Variants in MRPS28 observed in about 807,000 individuals in gnomAD.
MRPS28 encodes mitochondrial ribosomal protein S28.
In MRPS28, 7 loss-of-function variants were observed where a neutral mutation model predicts 10.8. The observed-to-expected ratio is 0.65, with a 90% CI of 0.37 to 1.22. The LOEUF is 1.22. Among genes scored for constraint, MRPS28 ranks in the 50% most tolerant of loss-of-function variants. The probability of loss-of-function intolerance (pLI) is 0.02; values close to 1 mark genes in which losing one functional copy is unlikely to be tolerated. For synonymous variants in MRPS28, 121 were observed against 93.3 expected (o/e 1.30, Z -1.71); for missense variants, 265 against 232.9 (o/e 1.14, Z -0.90).
intron 2 of MRPS28, among the ~76,000 whole-genome samples, chr8:79,982,780 G>A (rs1258421323): frequency 6.6e-6 from 1 of 152,208 alleles, no homozygotes; most frequent in Non-Finnish European, 1.5e-5. Flanking sequence ...ACTGGGTGGA[G>A]CCCAACACAG....
chr8:79,937,670 TG>T (rs535169766), intron 2 of MRPS28, among the ~76,000 whole-genome samples: 66 of 152,350 alleles, frequency 4.3e-4, no homozygotes, highest in African/African-American at 1.5e-3. Context: ...TCAAAGACAA[TG>T]CAGACGTTCT....
At chr8:79,983,899 A>G (rs924992761) in intron 2 of MRPS28, among the ~76,000 whole-genome samples, 3 of 152,210 alleles carry the variant, frequency 2.0e-5, no homozygotes, top group African/African-American at 7.2e-5. Context: ...GCAGGCCAAC[A>G]TTCAGATTCA....
At chr8:79,956,602 T>C (rs949853555) in intron 2 of MRPS28, 7 of 152,098 alleles carry the variant, frequency 4.6e-5, no homozygotes, top group African/African-American at 1.4e-4. Context: ...CAGGACCCAA[T>C]GGTTATTTTT....
chr8:79,973,036 A>T (rs993864947), intron 2 of MRPS28, among the ~76,000 whole-genome samples: 2 of 152,246 alleles, frequency 1.3e-5, no homozygotes, highest in African/African-American at 4.8e-5. Context: ...TAGGTATTCA[A>T]CAGGGCAAAG....
At chr8:79,978,405 C>T (rs939327951) in intron 2 of MRPS28, among the ~76,000 whole-genome samples, 2 of 151,862 alleles carry the variant, frequency 1.3e-5, no homozygotes, top group African/African-American at 4.8e-5. Flanking sequence ...AGAATCTGTC[C>T]GAAGTGACAG....
intron 2 of MRPS28, among the ~76,000 whole-genome samples, chr8:79,982,997 C>T (rs1354263366): frequency 7.9e-6 from 1 of 126,652 alleles, no homozygotes; most frequent in Admixed American, 7.9e-5. Flanking sequence ...CCCCGACCCC[C>T]GAGCAGCCTA....
intron 1 of MRPS28, among the ~76,000 whole-genome samples, chr8:80,010,482 A>C (rs1457540138): frequency 6.6e-6 from 1 of 152,208 alleles, no homozygotes; most frequent in Non-Finnish European, 1.5e-5. Context: ...GGGCTTGATA[A>C]TCAGGATATG....
intron 2 of MRPS28, among the ~76,000 whole-genome samples, chr8:79,998,223 AGAT>A (rs960119871): frequency 1.3e-5 from 2 of 152,206 alleles, no homozygotes; most frequent in African/African-American, 4.8e-5. Flanking sequence ...CAAAAGAAAA[AGAT>A]GATGTCAATT....
At chr8:79,947,306 T>C (rs1318392495) in intron 2 of MRPS28, among the ~76,000 whole-genome samples, 2 of 152,240 alleles carry the variant, frequency 1.3e-5, no homozygotes, top group East Asian at 1.9e-4. Context: ...TCTTTCCATA[T>C]GCCAATACCA....
intron 2 of MRPS28, among the ~76,000 whole-genome samples, chr8:79,965,476 T>C (rs1368454354): frequency 1.3e-5 from 2 of 152,086 alleles, no homozygotes; most frequent in Non-Finnish European, 2.9e-5. Flanking sequence ...TCAACCCATA[T>C]ATCCACAGTA....
At chr8:79,924,839 T>G (rs1400638087) in intron 2 of MRPS28, among the ~76,000 whole-genome samples, 2 of 152,320 alleles carry the variant, frequency 1.3e-5, no homozygotes, top group East Asian at 3.8e-4. Flanking sequence ...ATCTGTAAGA[T>G]GCCTATAAAG....
At chr8:79,944,685 TTTC>T (rs754360272) in intron 2 of MRPS28, among the ~76,000 whole-genome samples, 18 of 98,722 alleles carry the variant, frequency 1.8e-4, no homozygotes, top group Non-Finnish European at 3.3e-4. Flanking sequence ...AGCCATAATT[TTTC>T]TTTTTCTTTT....
chr8:79,984,101 GA>G (rs1808070880), intron 2 of MRPS28, among the ~76,000 whole-genome samples: 1 of 152,108 alleles, frequency 6.6e-6, no homozygotes, highest in Non-Finnish European at 1.5e-5. Flanking sequence ...CAAGCCAGAA[GA>G]GAGTGGGGGC....
At chr8:80,013,149 TG>T (rs1809099069) in intron 1 of MRPS28, among the ~76,000 whole-genome samples, 1 of 152,184 alleles carries the variant, frequency 6.6e-6, no homozygotes, top group Non-Finnish European at 1.5e-5. Flanking sequence ...AAAAAAACCC[TG>T]AATAAGTCAT....
intron 2 of MRPS28, among the ~76,000 whole-genome samples, chr8:79,947,626 TAA>T (rs949368708): frequency 2.0e-5 from 3 of 148,164 alleles, no homozygotes; most frequent in Non-Finnish European, 3.0e-5. Flanking sequence ...TTAAATATAT[TAA>T]GTTTTTTTTT....
At chr8:79,978,950 A>G (rs547839233) in intron 2 of MRPS28, among the ~76,000 whole-genome samples, 1 of 152,368 alleles carries the variant, frequency 6.6e-6, no homozygotes, top group South Asian at 2.1e-4. Context: ...TGAAACAAAC[A>G]TATCTTAGTA....
intron 2 of MRPS28, among the ~76,000 whole-genome samples, chr8:79,933,406 T>A (rs1166860193): frequency 6.6e-6 from 1 of 152,212 alleles, no homozygotes; most frequent in Non-Finnish European, 1.5e-5. Flanking sequence ...ACTTAACCTT[T>A]ATTACTTCCT....
At chr8:79,984,953 C>T (rs1263729750) in intron 2 of MRPS28, among the ~76,000 whole-genome samples, 1 of 152,176 alleles carries the variant, frequency 6.6e-6, no homozygotes, top group African/African-American at 2.4e-5. Flanking sequence ...ATTCTCCACC[C>T]CAAATCAACA....
chr8:79,970,325 C>T (rs925890200), intron 2 of MRPS28, among the ~76,000 whole-genome samples: 1 of 152,016 alleles, frequency 6.6e-6, no homozygotes, highest in Non-Finnish European at 1.5e-5. Flanking sequence ...GCCCCAAGAC[C>T]CCAAGAAGAA....
Sources: allele counts gnomAD v4.1 joint callset (sites outside exome capture counted in the v4.1 genomes callset), GRCh38; gene constraint gnomAD v4.1.1; transcripts MANE v1.5; gene names NCBI Gene and HGNC (gene_info 2026-07-23, HGNC 2026-07-21).